HAUS7: variants seen among roughly 807,000 people sequenced by gnomAD.
The protein encoded by HAUS7 is HAUS augmin-like complex subunit 7.
A neutral mutation model predicts 28.4 loss-of-function variants in HAUS7; 3 were observed. That is an observed-to-expected ratio of 0.11 (90% CI 0.05 to 0.27). HAUS7 has a LOEUF of 0.27. Ranked by LOEUF, HAUS7 falls within the 10% of genes least tolerant of loss-of-function variation. HAUS7 has a pLI of 1.00. For synonymous variants in HAUS7, 165 were observed against 132.1 expected (o/e 1.25, Z -1.71); for missense variants, 284 against 297.3 (o/e 0.96, Z 0.33).
intron 1 of HAUS7, among the ~76,000 whole-genome samples, chrX:153,470,246 A>C (rs1293967088): frequency 8.8e-6 from 1 of 113,240 alleles, no homozygotes; most frequent in African/African-American, 3.2e-5. Flanking sequence ...GGCCGTGGAG[A>C]CAGCAAGAAC....
chrX:153,476,210 C>T (rs991594532), intron 1 of HAUS7, among the ~76,000 whole-genome samples: 1 of 112,578 alleles, frequency 8.9e-6, no homozygotes, highest in African/African-American at 3.2e-5. Flanking sequence ...CCCTTTCTCA[C>T]CTGGGGCCTC....
intron 8 of HAUS7, 193 bp from the exon 9 acceptor site, chrX:153,454,701 A>G (rs1205971631): frequency 2.1e-5 from 10 of 476,205 alleles, no homozygotes; most frequent in Non-Finnish European, 3.6e-5. Context: ...GAGTTCTCGG[A>G]CCTAAGTCCC....
chrX:153,475,368 C>G (rs1429149371), upstream of HAUS7, among the ~76,000 whole-genome samples: 1 of 111,097 alleles, frequency 9.0e-6, no homozygotes, highest in Non-Finnish European at 1.9e-5. Context: ...TGTTCCCCTT[C>G]CCTCCTTTTT....
rs1297402482 is a variant in HAUS7 at position 153,462,266 on chromosome X, G to C, written c.354+344C>G. 5 of 698,010 alleles carry C rather than the reference G, an allele frequency of 7.2e-6. No individual in the cohort carries two copies. In the African/African-American group the frequency reaches 1.2e-4, roughly 16 times the overall value. The allele number at this position is 698,010 out of a possible 1,213,427, so 57.5% of individuals were successfully genotyped here. The stretch of plus-strand genomic sequence containing the variant: ...AAACTCTCGGGCCACAAGGGCTTGG[G>C]AGCCAGGCGCCGGGATGAATGAAGA... On this transcript the variant is annotated intron_variant, in intron 4 of 9. Transcript: ENST00000370211.
rs781788554 is a variant in HAUS7 at position 153,490,770 on chromosome X, G to T, written c.-589+4604C>A. Among the ~76,000 whole-genome samples, 3 of 112,866 alleles carry T rather than the reference G, an allele frequency of 2.7e-5. No individual in the cohort carries two copies. The East Asian group carries it at 8.4e-4, about 32-fold the overall frequency. ...ATGGGAATTTGCCCTGGAAGCTGAGGCTCTGCAAGAGCTACTCCCCAATGA... is the reference window on the plus strand; with the variant it reads ...ATGGGAATTTGCCCTGGAAGCTGAGTCTCTGCAAGAGCTACTCCCCAATGA... On this transcript the variant is annotated intron_variant, in intron 1 of 5. Coordinates refer to the HAUS7 transcript ENST00000370210.
chrX:153,481,505 C>A lies in HAUS7; in HGVS notation c.-588-10360G>T, dbSNP rs925171296. On this transcript the variant is annotated intron_variant, in intron 1 of 5. Coordinates refer to the HAUS7 transcript ENST00000370210. ...ACACATGGGCACAGGCACAGGCACG[C>A]AGACCTGGGCACCACCCAGCAGGCC... 4.9e-5 allele frequency: 37 copies of A among 755,205 alleles called. 1 individual carries two copies. In the South Asian group the frequency reaches 2.4e-3, roughly 50 times the overall value. 62.2% of individuals were successfully genotyped at this position (755,205 alleles called of 1,213,427 possible). A position where few individuals can be genotyped will look rare whatever the true frequency, so the allele number is the denominator to read the frequency against.
At chrX:153,472,442 A>ACCACCCG (rs1321097203), upstream of HAUS7, among the ~76,000 whole-genome samples, 5 of 11,765 alleles carry the variant, frequency 4.2e-4, no homozygotes, top group African/African-American at 1.3e-3. Context: ...CCCACCACCC[A>ACCACCCG]CCACCTGCCA....
At position 153,486,050 on chromosome X, in the gene HAUS7, G is replaced by C. The variant is rs1556988478; in HGVS notation, c.-589+9324C>G. On this transcript the variant is annotated intron_variant, in intron 1 of 5. Transcript: ENST00000370210. ...GCAGGCCATCCCACGCGGCCTCCTG[G>C]GCCTCAAGGGACTGCAGGTGCTGGG... 4 of 965,769 alleles carry C rather than the reference G, an allele frequency of 4.1e-6. No homozygotes were observed. The African/African-American group carries it at 8.0e-5, about 19-fold the overall frequency. 79.6% of individuals were successfully genotyped at this position (965,769 alleles called of 1,213,427 possible).
intron 1 of HAUS7, chrX:153,485,861 G>A (rs782663970): frequency 9.9e-6 from 9 of 911,227 alleles, no homozygotes; most frequent in Non-Finnish European, 1.3e-5. Context: ...GCTGCACCAC[G>A]ACCACATCGA....
At chrX:153,492,945 G>T (rs782022967) in intron 1 of HAUS7, among the ~76,000 whole-genome samples, 1 of 112,025 alleles carries the variant, frequency 8.9e-6, no homozygotes, top group African/African-American at 3.2e-5. Flanking sequence ...CCCAAGCAGT[G>T]CAGGAAGGTA....
chrX:153,460,745 G>A (rs1392376023), intron 4 of HAUS7, among the ~76,000 whole-genome samples: 1 of 111,995 alleles, frequency 8.9e-6, no homozygotes, highest in African/African-American at 3.3e-5. Context: ...GCTCTGAGAA[G>A]CGAATGTCAG....
intron 4 of HAUS7, among the ~76,000 whole-genome samples, chrX:153,460,573 AAGC>A (rs1286210675): frequency 6.3e-5 from 7 of 110,908 alleles, no homozygotes; most frequent in African/African-American, 2.0e-4. Flanking sequence ...AAAAAAAAAA[AAGC>A]AGCAGCGAGC....
chrX:153,485,888 G>GCGTT, intron 1 of HAUS7: 1 of 929,338 alleles, frequency 1.1e-6, no homozygotes, highest in Non-Finnish European at 1.4e-6. Context: ...CCCTGGCTAC[G>GCGTT]CGTTCGCGCA....
At chrX:153,470,727 C>A, upstream of HAUS7, 4 of 694,838 alleles carry the variant, frequency 5.8e-6, no homozygotes, top group East Asian at 1.1e-4. Context: ...GCTCCCACCC[C>A]CCGCCCCGGC....
chrX:153,480,395 G>A (rs1556987057), intron 1 of HAUS7, among the ~76,000 whole-genome samples: 1 of 111,331 alleles, frequency 9.0e-6, no homozygotes, highest in Non-Finnish European at 1.9e-5. Context: ...CTGGCCCCAG[G>A]GGCTGGTGGC....
At chrX:153,459,808 G>C in intron 4 of HAUS7, among the ~76,000 whole-genome samples, 1 of 112,482 alleles carries the variant, frequency 8.9e-6, no homozygotes, top group Non-Finnish European at 1.9e-5. Context: ...CTGAGCCCAG[G>C]AGTTCGAGAC....
intron 7 of HAUS7, 150 bp downstream of exon 7, chrX:153,456,115 C>T: frequency 2.1e-6 from 1 of 483,847 alleles, no homozygotes; most frequent in Non-Finnish European, 3.6e-6. Context: ...GGACCCACCT[C>T]TCACCTCCCC....
chrX:153,492,283 G>T (rs1021598255), intron 1 of HAUS7, among the ~76,000 whole-genome samples: 1 of 112,782 alleles, frequency 8.9e-6, no homozygotes, highest in Non-Finnish European at 1.9e-5. Flanking sequence ...TACCTTCTGC[G>T]CTGCAGAGAG....
intron 1 of HAUS7, among the ~76,000 whole-genome samples, chrX:153,488,938 C>T (rs1461978281): frequency 8.9e-6 from 1 of 112,566 alleles, no homozygotes; most frequent in African/African-American, 3.2e-5. Flanking sequence ...CTCAGAGCCT[C>T]GGCGGGGGCT....
Sources: allele counts gnomAD v4.1 joint callset (sites outside exome capture counted in the v4.1 genomes callset), GRCh38; gene constraint gnomAD v4.1.1; transcripts MANE v1.5; gene names NCBI Gene and HGNC (gene_info 2026-07-23, HGNC 2026-07-21).